The following LHX2 variants were observed in gnomAD, a reference collection of about 807,000 sequenced individuals.
LHX2 encodes LIM homeobox 2, also known as LIM/homeobox protein Lhx2.
In LHX2, 6 loss-of-function variants were observed where a neutral mutation model predicts 33.0. The ratio of observed to expected loss-of-function variants is 0.18; its 90% CI spans 0.10 to 0.36. The LOEUF is 0.36. Among genes scored for constraint, LHX2 ranks in the 10% least tolerant of loss-of-function variants. The probability of loss-of-function intolerance (pLI) is 1.00; values close to 1 mark genes in which losing one functional copy is unlikely to be tolerated. For synonymous variants in LHX2, 292 were observed against 253.1 expected, an observed-to-expected ratio of 1.15 and a Z score of -1.46; for missense variants, 442 against 586.2, an observed-to-expected ratio of 0.75 and a Z score of 2.54.
chr9:124,028,877 G>A (rs181323755), intron 4 of LHX2, among the ~76,000 whole-genome samples: 2 of 152,304 alleles, frequency 1.3e-5, no homozygotes, highest in East Asian at 1.9e-4. Flanking sequence ...GGAGGCCAAG[G>A]TGGGCGGATC....
intron 4 of LHX2, among the ~76,000 whole-genome samples, chr9:124,028,360 G>A (rs146941176): frequency 2.4e-4 from 37 of 152,278 alleles, no homozygotes; most frequent in African/African-American, 8.9e-4. Context: ...TCTTGTCCCA[G>A]ACACACAGTC....
chr9:124,015,148 G>T lies in LHX2; in HGVS notation c.350G>T (p.Arg117Leu), dbSNP rs1859162407. 1.9e-6 allele frequency: 3 copies of T among 1,613,630 alleles called. No individual in the cohort carries two copies. The highest frequency in any genetic ancestry group is 1.7e-6 in the Non-Finnish European group (2 of 1,180,012). ...YRRFSVQRCA[R>L]CHLGISASEM... ...CGCTTCTCTGTGCAGCGCTGCGCCCGCTGCCACCTGGGCATCTCGGCCTCG... is the reference window on the plus strand; with the variant it reads ...CGCTTCTCTGTGCAGCGCTGCGCCCTCTGCCACCTGGGCATCTCGGCCTCG... Residue 117 changes from arginine (R) to leucine (L), a missense_variant, in exon 3 of 5, where the codon CGC (arginine) becomes CTC (leucine). Arg to Leu is a moderately radical substitution (Grantham distance 102). Coordinates refer to ENST00000373615, the MANE Select transcript of LHX2 (RefSeq NM_004789.4). This position sits in a 1 kb window ranked among gnomAD's most constrained non-coding sequence, Gnocchi z 7.9.
chr9:124,027,804 C>T (rs1331236468), intron 4 of LHX2, among the ~76,000 whole-genome samples: 8 of 150,834 alleles, frequency 5.3e-5, no homozygotes, highest in Non-Finnish European at 1.0e-4. Flanking sequence ...GGCAACAGAG[C>T]GAGACTTCAT....
At chr9:124,030,627 C>CTTTTTT (rs35399092) in intron 4 of LHX2, among the ~76,000 whole-genome samples, 124 of 105,556 alleles carry the variant, frequency 1.2e-3, no homozygotes, top group African/African-American at 2.3e-3. Flanking sequence ...TTTTTCTTTT[C>CTTTTTT]TTTTTTTTTT....
intron 4 of LHX2, among the ~76,000 whole-genome samples, chr9:124,024,137 T>C (rs964760172): frequency 2.0e-5 from 3 of 152,380 alleles, no homozygotes. Context: ...GTCTGTATAC[T>C]GGGGGTGGGG....
In LHX2 at chr9:124,014,350, G is replaced by A. The variant is rs1859148870; in HGVS notation, c.323+187G>A. ...ATAACCTTTTAAAGCAGCAATTTGG[G>A]GAGCTCTTGGAAAGGTCTACGAAGT... On this transcript the variant is annotated intron_variant, in intron 2 of 4. Coordinates refer to ENST00000373615, the MANE Select transcript of LHX2 (RefSeq NM_004789.4). The surrounding 1 kb of genome is among the most constrained non-coding windows in gnomAD (Gnocchi z 4.8). Among the ~76,000 whole-genome samples the A allele has an allele frequency of 6.6e-6, 1 of 151,590 alleles. No homozygotes were observed. The highest frequency in any genetic ancestry group is 2.4e-5 in the African/African-American group (1 of 40,980).
At chr9:124,024,354 C>A (rs1051456982) in intron 4 of LHX2, among the ~76,000 whole-genome samples, 10 of 152,244 alleles carry the variant, frequency 6.6e-5, no homozygotes, top group African/African-American at 2.2e-4. Flanking sequence ...ATACAGGAGC[C>A]AGGCATTGGC....
Position 124,021,148 on chromosome 9 carries a change from A to G in LHX2, c.777A>G (p.Pro259=), listed in dbSNP as rs745544277. 9.3e-6 allele frequency: 15 copies of G among 1,614,214 alleles called. No individual in the cohort carries two copies. The South Asian group carries it at 1.2e-4, about 13-fold the overall frequency. Residue 259 remains proline, a synonymous_variant, in exon 4 of 5, where the codon CCA becomes CCG. Transcript: ENST00000373615. ...CAGAGCACCTGGACCGTGACCAGCCATACCCGAGCAGCCAGAAGACCAAGC... is the reference window on the plus strand; with the variant it reads ...CAGAGCACCTGGACCGTGACCAGCCGTACCCGAGCAGCCAGAAGACCAAGC... ...NDAEHLDRDQ[P]YPSSQKTKRM...
rs746536556 is a variant in LHX2 at position 124,032,213 on chromosome 9, G to A, written c.934-207G>A. Reference sequence around the variant, plus strand: ...GTCGAGATTGTGTCACTGCACTTCAGCCTGGGGGACCAAGCCAGACCCTGT... The same window carrying A: ...GTCGAGATTGTGTCACTGCACTTCAACCTGGGGGACCAAGCCAGACCCTGT... On this transcript the variant is annotated intron_variant, in intron 4 of 4. Coordinates refer to ENST00000373615, the MANE Select transcript of LHX2 (RefSeq NM_004789.4). This position sits in a 1 kb window ranked among gnomAD's most constrained non-coding sequence, Gnocchi z 4.1. The A allele has an allele frequency of 3.7e-6, 2 of 546,212 alleles. No individual in the cohort carries two copies. The highest frequency in any genetic ancestry group is 1.9e-5 in the African/African-American group (1 of 51,740). The allele number at this position is 546,212 out of a possible 1,614,324, so 33.8% of individuals were successfully genotyped here.
At chr9:124,022,931 C>A (rs1042300208) in intron 4 of LHX2, among the ~76,000 whole-genome samples, 19 of 152,176 alleles carry the variant, frequency 1.2e-4, no homozygotes, top group Admixed American at 9.2e-4. Flanking sequence ...GATGCCGATG[C>A]GCCCCTCTGG....
intron 4 of LHX2, among the ~76,000 whole-genome samples, chr9:124,028,580 G>T (rs1419809781): frequency 6.6e-6 from 1 of 152,188 alleles, no homozygotes; most frequent in Admixed American, 6.5e-5. Flanking sequence ...CAAACCCGAG[G>T]TCACGTGGTA....
At chr9:124,026,632 T>C (rs1332969683) in intron 4 of LHX2, among the ~76,000 whole-genome samples, 5 of 152,212 alleles carry the variant, frequency 3.3e-5, no homozygotes, top group African/African-American at 1.2e-4. Flanking sequence ...AGGTTGACTG[T>C]GTCTTTCTCT....
chr9:124,019,521 A>C (rs1859255101), intron 3 of LHX2, among the ~76,000 whole-genome samples: 1 of 152,214 alleles, frequency 6.6e-6, no homozygotes, highest in African/African-American at 2.4e-5. Context: ...GTCCCGTGTA[A>C]TATTTGAATT....
rs1345786776 is a variant in LHX2, at chr9:124,012,426, TCCCGCCATCAGC to T, written c.79_90del (p.Pro27_Ser30del). On this transcript the variant is annotated inframe_deletion, in exon 1 of 5. Coordinates refer to ENST00000373615, the MANE Select transcript of LHX2 (RefSeq NM_004789.4). The surrounding 1 kb of genome is among the most constrained non-coding windows in gnomAD (Gnocchi z 4.3). ...TGGACCGCAGGGCCAAGAGCGAGGC[TCCCGCCATCAGC>T]TCCGCCATCGACCGCGGCGACACCG... The T allele has an allele frequency of 6.5e-7, 1 of 1,537,328 alleles. No individual in the cohort carries two copies. Among genetic ancestry groups the T allele is most frequent in the Non-Finnish European group, 8.7e-7 (1 of 1,147,926 alleles).
intron 3 of LHX2, among the ~76,000 whole-genome samples, chr9:124,018,517 C>A (rs550562088): frequency 6.6e-6 from 1 of 152,160 alleles, no homozygotes; most frequent in East Asian, 1.9e-4. Flanking sequence ...TTTTTCTCCA[C>A]TCCCCTTCTT....
At position 124,012,070 on chromosome 9, in the gene LHX2, C is replaced by T. The variant is rs577426294; in HGVS notation, c.-279C>T. 3.1e-3 allele frequency: 508 copies of T among 165,780 alleles called. 3 individuals carry two copies. Among genetic ancestry groups the T allele is most frequent in the African/African-American group, 0.011 (466 of 42,014 alleles). The allele number at this position is 165,780 out of a possible 1,614,324, so 10.3% of individuals were successfully genotyped here. The stretch of plus-strand genomic sequence containing the variant: ...GACCTCTGTCCTAGTCTCCTGCTCC[C>T]CCCGCCCCGCTTGTCCCGTGCCCTT... On this transcript the variant is annotated 5_prime_UTR_variant, in exon 1 of 5. Coordinates refer to ENST00000373615, the MANE Select transcript of LHX2 (RefSeq NM_004789.4). This position sits in a 1 kb window ranked among gnomAD's most constrained non-coding sequence, Gnocchi z 4.3.
chr9:124,014,999 A>G lies in LHX2; in HGVS notation c.324-123A>G. ...TCTCTCTCCCCCCCATCCTCCAAAT[A>G]AAGGCCGGGTTGTTCGTCTTGAGGA... On this transcript the variant is annotated intron_variant, in intron 2 of 4. Coordinates refer to ENST00000373615, the MANE Select transcript of LHX2 (RefSeq NM_004789.4). This position sits in a 1 kb window ranked among gnomAD's most constrained non-coding sequence, Gnocchi z 4.8. The G allele has an allele frequency of 8.9e-7, 1 of 1,119,998 alleles. No individual in the cohort carries two copies. The highest frequency in any genetic ancestry group is 1.5e-5 in the South Asian group (1 of 67,080). 69.4% of individuals were successfully genotyped at this position (1,119,998 alleles called of 1,614,324 possible). A position where few individuals can be genotyped will look rare whatever the true frequency, so the allele number is the denominator to read the frequency against.
In LHX2 at chr9:124,019,485, A is replaced by G. The variant is rs76999664; in HGVS notation, c.728-1614A>G. 6.2e-3 allele frequency among the ~76,000 whole-genome samples: 938 copies of G among 152,324 alleles called. 10 individuals carry two copies. Among genetic ancestry groups the G allele is most frequent in the African/African-American group, 0.021 (886 of 41,562 alleles). ...TATTTGCATTTTGGAAAAATAACGA[A>G]TAAATTTGAAATTTGTAGTATAAGT... On this transcript the variant is annotated intron_variant, in intron 3 of 4. Coordinates refer to ENST00000373615, the MANE Select transcript of LHX2 (RefSeq NM_004789.4).
chr9:124,017,967 C>A (rs1859221926), intron 3 of LHX2, among the ~76,000 whole-genome samples: 2 of 151,820 alleles, frequency 1.3e-5, no homozygotes. Context: ...GCGCACTTTG[C>A]GCCTGGGTTT....
Sources: gnomAD v4.1 joint callset for allele counts (sites outside exome capture counted in the v4.1 genomes callset) on GRCh38, gnomAD v4.1.1 for gene constraint, Gnocchi (gnomAD v3.1) non-coding constraint, MANE v1.5 for transcripts, NCBI Gene and HGNC (gene_info 2026-07-23, HGNC 2026-07-21) for gene names.